DNAJC13: variants seen among roughly 807,000 people sequenced by gnomAD.
The protein encoded by DNAJC13 is DnaJ heat shock protein family (Hsp40) member C13.
DNAJC13 carries 75 observed loss-of-function variants against 290.5 expected under a neutral mutation model. The ratio of observed to expected loss-of-function variants is 0.26; its 90% CI spans 0.21 to 0.31. The LOEUF is 0.31. DNAJC13 is among the 10% of genes least tolerant of loss of function. The probability of loss-of-function intolerance (pLI) is 1.00; values close to 1 mark genes in which losing one functional copy is unlikely to be tolerated. For synonymous variants in DNAJC13, 862 were observed against 892.0 expected (o/e 0.97, Z 0.60); for missense variants, 2,260 against 2,674.5 (o/e 0.85, Z 3.42).
chr3:132,472,298 T>G (rs899884152), intron 20 of DNAJC13, among the ~76,000 whole-genome samples: 2 of 152,214 alleles, frequency 1.3e-5, no homozygotes, highest in East Asian at 1.9e-4. Flanking sequence ...ACTTTAAGAA[T>G]TCTTGAAATC....
At chr3:132,433,788 C>T (rs1338712972) in intron 1 of DNAJC13, among the ~76,000 whole-genome samples, 2 of 152,200 alleles carry the variant, frequency 1.3e-5, no homozygotes, top group Non-Finnish European at 2.9e-5. Context: ...ATTCTGTACA[C>T]TGGGGATGTT....
At chr3:132,436,868 A>T (rs1031702753) in intron 2 of DNAJC13, among the ~76,000 whole-genome samples, 2 of 149,014 alleles carry the variant, frequency 1.3e-5, no homozygotes, top group Non-Finnish European at 3.0e-5. Context: ...AACTAAAAAA[A>T]TTTTTTTTAT....
intron 1 of DNAJC13, among the ~76,000 whole-genome samples, chr3:132,422,787 G>A (rs1046132258): frequency 6.6e-6 from 1 of 152,132 alleles, no homozygotes; most frequent in Admixed American, 6.5e-5. Context: ...TTATTCAATA[G>A]TCGACATATG....
At chr3:132,521,463 T>A (rs78489084) in intron 48 of DNAJC13, among the ~76,000 whole-genome samples, 1,984 of 152,362 alleles carry the variant, frequency 0.013, 17 homozygotes, top group Middle Eastern at 0.065. Flanking sequence ...TCTTGCTTTA[T>A]GAATCACAGA....
chr3:132,470,616 G>A (rs1934178787), intron 20 of DNAJC13, among the ~76,000 whole-genome samples: 1 of 140,774 alleles, frequency 7.1e-6, no homozygotes, highest in East Asian at 2.2e-4. Flanking sequence ...GGGCGGGGGG[G>A]CTGACCCCCC....
At chr3:132,471,567 GGGGTCTCGGCC>G (rs1934260153) in intron 20 of DNAJC13, among the ~76,000 whole-genome samples, 1 of 138,282 alleles carries the variant, frequency 7.2e-6, no homozygotes, top group African/African-American at 2.7e-5. Context: ...CCTCCCAGAT[GGGGTCTCGGCC>G]GGGCAGAGGC....
Position 132,538,203 on chromosome 3 carries a change from C to T in DNAJC13, c.6653C>T (p.Ala2218Val). 1 of 1,613,884 alleles carries T rather than the reference C, an allele frequency of 6.2e-7. No individual in the cohort carries two copies. The highest frequency in any genetic ancestry group is 1.1e-5 in the South Asian group (1 of 91,050). Reference protein sequence around the residue: ...TGPGVAGYLTAGTSTSVMSNL... With the variant: ...TGPGVAGYLTVGTSTSVMSNL... ...CCTGGAGTTGCTGGCTACCTTACCG[C>T]AGGTACATCTACATCAGTCATGTCT... The change falls in exon 56 of 56, where the codon GCA (alanine) becomes GTA (valine). Residue 2218 changes from alanine (A) to valine (V), a missense_variant. Coordinates refer to ENST00000260818, the MANE Select transcript of DNAJC13 (RefSeq NM_015268.4).
intron 37 of DNAJC13, 55 bp downstream of exon 37, chr3:132,499,365 T>G (rs552126441): frequency 7.1e-7 from 1 of 1,402,276 alleles, no homozygotes; most frequent in East Asian, 2.3e-5. Context: ...ATTATATGAC[T>G]CTTGGCAGTG....
Position 132,431,647 on chromosome 3 carries a change from A to G in DNAJC13, c.-13-2891A>G, listed in dbSNP as rs79192642. ...GTTTTTACCACTCAGGTATATACCT[A>G]AGAGAAATGAGTATGTATGTTCACA... On this transcript the variant is annotated intron_variant, in intron 1 of 55. Coordinates refer to ENST00000260818, the MANE Select transcript of DNAJC13 (RefSeq NM_015268.4). Among the ~76,000 whole-genome samples the G allele has an allele frequency of 1.3e-3, 194 of 152,264 alleles. 1 individual carries two copies. The highest frequency in any genetic ancestry group is 4.5e-3 in the African/African-American group (187 of 41,564).
chr3:132,512,375 G>A (rs184248288), intron 44 of DNAJC13, among the ~76,000 whole-genome samples: 10 of 152,248 alleles, frequency 6.6e-5, no homozygotes, highest in African/African-American at 2.4e-4. Context: ...TAAGTTGAAG[G>A]AGTCTTACTG....
intron 1 of DNAJC13, among the ~76,000 whole-genome samples, chr3:132,432,265 C>T (rs1025936630): frequency 2.6e-5 from 4 of 151,622 alleles, no homozygotes; most frequent in African/African-American, 4.8e-5. Flanking sequence ...TGCGGTGGTG[C>T]GATCTCGGCT....
At chr3:132,516,611 A>G (rs945897178) in intron 47 of DNAJC13, 93 bp from the exon 48 acceptor site, 2 of 1,525,886 alleles carry the variant, frequency 1.3e-6, no homozygotes, top group Admixed American at 1.9e-5. Flanking sequence ...TACAGTTTTT[A>G]AAAACTACAT....
At chr3:132,513,186 G>A (rs1935830379) in intron 45 of DNAJC13, 87 bp downstream of exon 45, 2 of 1,153,034 alleles carry the variant, frequency 1.7e-6, no homozygotes, top group Non-Finnish European at 2.6e-6. Flanking sequence ...GTCTGAAGTT[G>A]AAGTGTGCTT....
At chr3:132,514,431 T>C (rs540929951) in intron 45 of DNAJC13, 140 bp from the exon 46 acceptor site, 2 of 587,060 alleles carry the variant, frequency 3.4e-6, no homozygotes, top group African/African-American at 1.9e-5. Context: ...AAGGCAATCT[T>C]TTAAAATTAA....
chr3:132,418,669 C>G (rs530106641), intron 1 of DNAJC13, among the ~76,000 whole-genome samples: 1 of 152,126 alleles, frequency 6.6e-6, no homozygotes, highest in Non-Finnish European at 1.5e-5. Flanking sequence ...GTTGCGTCCT[C>G]TATGAAGGGC....
At chr3:132,496,489 A>G (rs779920699) in intron 35 of DNAJC13, 39 bp from the exon 36 acceptor site, 2 of 1,513,962 alleles carry the variant, frequency 1.3e-6, no homozygotes, top group African/African-American at 1.4e-5. Flanking sequence ...ATTTTGCGAC[A>G]TTCCAAATTA....
rs1243944021 is a variant in DNAJC13 at position 132,454,136 on chromosome 3, G to A, written c.911G>A (p.Arg304Gln). The A allele has an allele frequency of 5.6e-6, 9 of 1,603,256 alleles. No homozygotes were observed. The highest frequency in any genetic ancestry group is 2.2e-5 in the East Asian group (1 of 44,496). Reference protein sequence around the residue: ...FTIEFIKGQVRKYSSTERDSL... With the variant: ...FTIEFIKGQVQKYSSTERDSL... ...ATTGAATTTATAAAAGGGCAAGTAC[G>A]GAAATATTCTTCAACAGAGAGGTAT... The change falls in exon 9 of 56, where the codon CGG (arginine) becomes CAG (glutamine). Residue 304 changes from arginine (R) to glutamine (Q), a missense_variant. This residue lies in a region of DNAJC13 where 762 missense variants were observed against 964.1 expected (regional missense o/e 0.79). Coordinates refer to ENST00000260818, the MANE Select transcript of DNAJC13 (RefSeq NM_015268.4).
At chr3:132,518,104 A>G (rs1186407061) in intron 48 of DNAJC13, among the ~76,000 whole-genome samples, 1 of 152,230 alleles carries the variant, frequency 6.6e-6, no homozygotes, top group Non-Finnish European at 1.5e-5. Flanking sequence ...ACATGTGCAC[A>G]ACGTGCAGGT....
chr3:132,435,549 A>G (rs962133499), intron 2 of DNAJC13, among the ~76,000 whole-genome samples: 55 of 152,154 alleles, frequency 3.6e-4, no homozygotes, highest in African/African-American at 1.1e-3. Context: ...AGATTTGAAT[A>G]TTTGATTTTG....
Sources: allele counts gnomAD v4.1 joint callset (sites outside exome capture counted in the v4.1 genomes callset), GRCh38; gene constraint gnomAD v4.1.1; regional missense constraint gnomAD v4.1.1; transcripts MANE v1.5; gene names NCBI Gene and HGNC (gene_info 2026-07-23, HGNC 2026-07-21).